Variants in LRRC4C observed in about 807,000 individuals in gnomAD.
The protein encoded by LRRC4C is leucine-rich repeat-containing protein 4C.
A neutral mutation model predicts 33.6 loss-of-function variants in LRRC4C; 5 were observed. The ratio of observed to expected loss-of-function variants is 0.15; its 90% CI spans 0.08 to 0.31. LRRC4C has a LOEUF of 0.31. LRRC4C is among the 10% of genes least tolerant of loss of function. LRRC4C has a pLI of 1.00. For missense variants in LRRC4C, 560 were observed against 796.7 expected (o/e 0.70, Z 3.58); for synonymous variants, 329 against 302.0 (o/e 1.09, Z -0.93).
chr11:41,153,549 G>T (rs888189612), intron 1 of LRRC4C, among the ~76,000 whole-genome samples: 1 of 152,156 alleles, frequency 6.6e-6, no homozygotes, highest in African/African-American at 2.4e-5. Context: ...ACATTTCTAG[G>T]AGGCAAAGAT....
chr11:40,724,637 A>G (rs1947196916), intron 2 of LRRC4C, among the ~76,000 whole-genome samples: 1 of 152,184 alleles, frequency 6.6e-6, no homozygotes, highest in South Asian at 2.1e-4. Context: ...TGTAACACCA[A>G]ATACCTACAT....
intron 2 of LRRC4C, among the ~76,000 whole-genome samples, chr11:40,932,685 A>T: frequency 6.6e-6 from 1 of 152,190 alleles, no homozygotes; most frequent in East Asian, 1.9e-4. Context: ...TTTAAAGAAG[A>T]AAAATTCGGT....
chr11:41,302,767 T>G (rs1174317760), intron 1 of LRRC4C, among the ~76,000 whole-genome samples: 2 of 152,222 alleles, frequency 1.3e-5, no homozygotes, highest in African/African-American at 4.8e-5. Context: ...AGATTCTAAG[T>G]TGTTCATAAT....
At chr11:41,348,977 A>C (rs1258322630) in intron 1 of LRRC4C, among the ~76,000 whole-genome samples, 1 of 152,184 alleles carries the variant, frequency 6.6e-6, no homozygotes, top group African/African-American at 2.4e-5. Flanking sequence ...ACGGGTGCCC[A>C]TACCCCAAAG....
intron 3 of LRRC4C, among the ~76,000 whole-genome samples, chr11:40,637,478 T>C (rs2136065212): frequency 6.6e-6 from 1 of 152,328 alleles, no homozygotes; most frequent in South Asian, 2.1e-4. Context: ...AAGTAGATAT[T>C]ATTTATTTTT....
At chr11:40,132,909 A>G (rs1163790048) in intron 6 of LRRC4C, among the ~76,000 whole-genome samples, 2 of 152,208 alleles carry the variant, frequency 1.3e-5, no homozygotes, top group East Asian at 3.8e-4. Context: ...AGTATTTCAA[A>G]TTATGTTTAA....
intron 1 of LRRC4C, among the ~76,000 whole-genome samples, chr11:41,265,846 G>A (rs1262181731): frequency 1.4e-5 from 2 of 147,704 alleles, no homozygotes; most frequent in South Asian, 4.3e-4. Context: ...TCTAGAAGCA[G>A]GGATGTAATG....
At chr11:41,203,534 C>G (rs1232332962) in intron 1 of LRRC4C, among the ~76,000 whole-genome samples, 3 of 152,130 alleles carry the variant, frequency 2.0e-5, no homozygotes, top group Admixed American at 1.3e-4. Flanking sequence ...GTCCCTGCAT[C>G]CCACATTCTA....
At chr11:41,002,758 A>G (rs1417129502) in intron 1 of LRRC4C, among the ~76,000 whole-genome samples, 1 of 152,220 alleles carries the variant, frequency 6.6e-6, no homozygotes, top group Non-Finnish European at 1.5e-5. Flanking sequence ...AGAAAAGTAG[A>G]AAGTCAATAT....
intron 2 of LRRC4C, among the ~76,000 whole-genome samples, chr11:40,848,463 T>C (rs1385558604): frequency 6.6e-6 from 1 of 152,090 alleles, no homozygotes; most frequent in East Asian, 1.9e-4. Context: ...TGGTTTTGAG[T>C]TTCTTAATTC....
At chr11:40,174,560 G>A (rs75091616) in intron 5 of LRRC4C, among the ~76,000 whole-genome samples, 6,223 of 152,244 alleles carry the variant, frequency 0.041, 154 homozygotes, top group African/African-American at 0.071. Flanking sequence ...GTGCATATGT[G>A]TGCGTTATTA....
At chr11:40,230,990 G>C (rs1000994526) in intron 5 of LRRC4C, among the ~76,000 whole-genome samples, 1 of 152,142 alleles carries the variant, frequency 6.6e-6, no homozygotes, top group East Asian at 1.9e-4. Context: ...TCATCAGACT[G>C]TAAGATTTGC....
At chr11:40,347,408 A>G (rs1024802342) in intron 3 of LRRC4C, among the ~76,000 whole-genome samples, 1 of 152,114 alleles carries the variant, frequency 6.6e-6, no homozygotes, top group African/African-American at 2.4e-5. Flanking sequence ...TTTTCTTCAT[A>G]TTGGCAACAG....
intron 3 of LRRC4C, among the ~76,000 whole-genome samples, chr11:40,353,589 C>A (rs887356332): frequency 6.6e-5 from 10 of 152,024 alleles, no homozygotes; most frequent in Admixed American, 5.2e-4. Flanking sequence ...TGTCACGTGC[C>A]TGTAATTCTA....
In LRRC4C at chr11:40,308,224, T is replaced by C. The variant is rs553036817; in HGVS notation, c.-176+11404A>G. The stretch of plus-strand genomic sequence containing the variant: ...CCACCACACATACAGTTGTTTGCTA[T>C]GGCAGGTGCAATTCTCTTTTCCCAG... On this transcript the variant is annotated intron_variant, in intron 4 of 6. Transcript: ENST00000528697. Among the ~76,000 whole-genome samples, 23 of 152,300 alleles carry C rather than the reference T, an allele frequency of 1.5e-4. No individual in the cohort carries two copies. In the South Asian group the frequency reaches 3.9e-3, roughly 26 times the overall value.
intron 1 of LRRC4C, among the ~76,000 whole-genome samples, chr11:41,128,699 C>A (rs996880538): frequency 1.3e-5 from 2 of 151,974 alleles, no homozygotes; most frequent in African/African-American, 4.8e-5. Flanking sequence ...CTGAATTATT[C>A]TATAATTGTC....
Position 40,322,945 on chromosome 11 carries a change from A to T in LRRC4C, c.-269-3224T>A, listed in dbSNP as rs370323363. On this transcript the variant is annotated intron_variant, in intron 3 of 6. Transcript: ENST00000528697. ...TCCCTTGGAAATATAAATCTCAATA[A>T]AAAGAGATTATGACTGAAGTACTAA... 5.3e-5 allele frequency among the ~76,000 whole-genome samples: 8 copies of T among 152,204 alleles called. No individual in the cohort carries two copies. The East Asian group carries it at 1.3e-3, about 26-fold the overall frequency.
chr11:41,057,568 C>T (rs542903432), intron 1 of LRRC4C, among the ~76,000 whole-genome samples: 22 of 152,308 alleles, frequency 1.4e-4, no homozygotes, highest in Non-Finnish European at 2.9e-4. Flanking sequence ...CTTTTCTGGG[C>T]CTGCCCATGG....
intron 1 of LRRC4C, among the ~76,000 whole-genome samples, chr11:41,369,768 T>TTTCATTCTA (rs1397010063): frequency 6.6e-6 from 1 of 152,154 alleles, no homozygotes; most frequent in African/African-American, 2.4e-5. Context: ...CTAGTAATGA[T>TTTCATTCTA]GAGCACCTGG....
Sources: allele counts gnomAD v4.1 joint callset (sites outside exome capture counted in the v4.1 genomes callset), GRCh38; gene constraint gnomAD v4.1.1; transcripts MANE v1.5; gene names NCBI Gene and HGNC (gene_info 2026-07-23, HGNC 2026-07-21).